Variants in RASEF observed in about 807,000 individuals in gnomAD.
The protein encoded by RASEF is RAS and EF-hand domain containing.
A neutral mutation model predicts 90.1 loss-of-function variants in RASEF; 68 were observed. The ratio of observed to expected loss-of-function variants is 0.75; its 90% CI spans 0.62 to 0.92. RASEF has a LOEUF of 0.92. Among genes scored for constraint, RASEF ranks in the 40% least tolerant of loss-of-function variants. RASEF has a pLI of 0.00. For synonymous variants in RASEF, 331 were observed against 345.2 expected (o/e 0.96, Z 0.46); for missense variants, 949 against 937.2 (o/e 1.01, Z -0.16).
At chr9:83,066,609 G>A (rs1004942066), upstream of RASEF, among the ~76,000 whole-genome samples, 4 of 152,214 alleles carry the variant, frequency 2.6e-5, no homozygotes, top group African/African-American at 9.6e-5. Flanking sequence ...GCTTGCCCAT[G>A]ATTGTCAGCA....
chr9:83,081,396 T>C, the RASEF span, among the ~76,000 whole-genome samples: 1 of 152,208 alleles, frequency 6.6e-6, no homozygotes, highest in African/African-American at 2.4e-5. Flanking sequence ...TAGACATGAC[T>C]CTGGTTTTTG....
At chr9:83,163,563 A>G in the RASEF span, among the ~76,000 whole-genome samples, 2 of 152,346 alleles carry the variant, frequency 1.3e-5, no homozygotes, top group East Asian at 3.9e-4. Flanking sequence ...TAGAGATCAA[A>G]AACACTGAAA....
intron 1 of RASEF, among the ~76,000 whole-genome samples, chr9:83,029,429 G>T (rs377713174): frequency 7.1e-6 from 1 of 140,414 alleles, no homozygotes. Flanking sequence ...GTCTCGCTCT[G>T]TCACCCAGGC....
the RASEF span, among the ~76,000 whole-genome samples, chr9:83,188,213 G>T: frequency 6.6e-6 from 1 of 152,124 alleles, no homozygotes; most frequent in Non-Finnish European, 1.5e-5. Flanking sequence ...TACAGGTTAG[G>T]TGGATTGATG....
intron 1 of RASEF, among the ~76,000 whole-genome samples, chr9:83,047,239 G>T (rs1200758008): frequency 1.3e-5 from 2 of 151,860 alleles, no homozygotes; most frequent in Non-Finnish European, 2.9e-5. Flanking sequence ...AACAAAGCTT[G>T]ACTGAACCTG....
In RASEF at chr9:82,980,924, A is replaced by C. The variant is rs1234012597; in HGVS notation, c.*1753T>G. On this transcript the variant is annotated 3_prime_UTR_variant, in exon 17 of 17. Transcript: ENST00000376447. ...CAAAAATATCAGATGTCTTCAATAG[A>C]GAGAAGGCATGTTTATAAAAGTTAA... The C allele has an allele frequency of 6.6e-6, 1 of 152,254 alleles. No individual in the cohort carries two copies. Among genetic ancestry groups the C allele is most frequent in the African/African-American group, 2.4e-5 (1 of 41,468 alleles). The allele number at this position is 152,254 out of a possible 1,614,324, so 9.4% of individuals were successfully genotyped here.
chr9:83,185,027 T>C, the RASEF span, among the ~76,000 whole-genome samples: 2 of 152,160 alleles, frequency 1.3e-5, no homozygotes, highest in African/African-American at 4.8e-5. Flanking sequence ...GCCAGAAATC[T>C]GTTTTAAAAC....
chr9:83,008,335 A>G (rs957484861), intron 6 of RASEF, among the ~76,000 whole-genome samples: 72 of 152,170 alleles, frequency 4.7e-4, no homozygotes, highest in African/African-American at 1.5e-3. Context: ...TGATAACCTT[A>G]AACTAGCTTT....
the RASEF span, among the ~76,000 whole-genome samples, chr9:83,146,037 T>C: frequency 2.0e-5 from 3 of 151,710 alleles, no homozygotes; most frequent in Admixed American, 6.6e-5. Flanking sequence ...ATCTGTGATA[T>C]TTGAAGCAAA....
At chr9:83,206,985 G>A in the RASEF span, among the ~76,000 whole-genome samples, 2 of 152,000 alleles carry the variant, frequency 1.3e-5, no homozygotes, top group East Asian at 3.9e-4. Context: ...TTTCCCTCCT[G>A]GAGATATGAC....
chr9:83,066,168 C>T (rs1388349560), upstream of RASEF, among the ~76,000 whole-genome samples: 1 of 152,224 alleles, frequency 6.6e-6, no homozygotes, highest in Admixed American at 6.5e-5. Context: ...CCAAATAAGC[C>T]ACACTTCATC....
the RASEF span, among the ~76,000 whole-genome samples, chr9:83,168,644 T>C: frequency 1.3e-5 from 2 of 152,142 alleles, no homozygotes; most frequent in Non-Finnish European, 2.9e-5. Flanking sequence ...AATTTAAAAA[T>C]GGGCAGAAGA....
At chr9:83,173,989 G>C in the RASEF span, among the ~76,000 whole-genome samples, 2 of 151,676 alleles carry the variant, frequency 1.3e-5, no homozygotes, top group East Asian at 3.9e-4. Context: ...TGGCCATCCT[G>C]TTCTGCCTCT....
the RASEF span, among the ~76,000 whole-genome samples, chr9:83,150,735 G>A: frequency 1.3e-5 from 2 of 152,124 alleles, no homozygotes; most frequent in African/African-American, 4.8e-5. Flanking sequence ...AGTCTCTGTG[G>A]TTATGTGAAA....
intron 9 of RASEF, 46 bp downstream of exon 9, chr9:83,004,452 A>G (rs1299338419): frequency 1.7e-6 from 2 of 1,165,444 alleles, no homozygotes; most frequent in Non-Finnish European, 2.6e-6. Flanking sequence ...TTTCCTTTTA[A>G]CTGTGATTCT....
At chr9:83,120,805 G>C in the RASEF span, among the ~76,000 whole-genome samples, 3 of 152,146 alleles carry the variant, frequency 2.0e-5, no homozygotes, top group Admixed American at 6.6e-5. Flanking sequence ...ATTCTTTTAA[G>C]AACAAAGGAA....
the RASEF span, among the ~76,000 whole-genome samples, chr9:83,138,742 TC>T: frequency 6.6e-6 from 1 of 152,106 alleles, no homozygotes; most frequent in African/African-American, 2.4e-5. Flanking sequence ...AACCAAGGCC[TC>T]AAAGGACTGT....
intron 2 of RASEF, among the ~76,000 whole-genome samples, chr9:83,022,997 A>G (rs1829470790): frequency 6.6e-6 from 1 of 152,216 alleles, no homozygotes. Flanking sequence ...GGATAAAATG[A>G]TATTAAACTA....
the RASEF span, among the ~76,000 whole-genome samples, chr9:83,116,396 T>C: frequency 6.6e-6 from 1 of 152,160 alleles, no homozygotes; most frequent in Non-Finnish European, 1.5e-5. Flanking sequence ...TCATGGTGTT[T>C]CCCCAAATTA....
Sources: allele counts gnomAD v4.1 joint callset (sites outside exome capture counted in the v4.1 genomes callset), GRCh38; gene constraint gnomAD v4.1.1; transcripts MANE v1.5; gene names NCBI Gene and HGNC (gene_info 2026-07-23, HGNC 2026-07-21).